The following ATL1 variants were observed in gnomAD, a reference collection of about 807,000 sequenced individuals.
ATL1 encodes the protein atlastin GTPase 1.
Under a neutral mutation model 75.5 loss-of-function variants are expected in ATL1, and 31 were observed. The ratio of observed to expected loss-of-function variants is 0.41; its 90% CI spans 0.31 to 0.55. ATL1 has a LOEUF of 0.55. Among genes scored for constraint, ATL1 ranks in the 20% least tolerant of loss-of-function variants. The pLI, the probability that ATL1 is intolerant of heterozygous loss-of-function variation, is 0.27. For synonymous variants in ATL1, 226 were observed against 233.3 expected (o/e 0.97, Z 0.28); for missense variants, 405 against 662.6 (o/e 0.61, Z 4.27).
intron 1 of ATL1, 98 bp downstream of exon 1, chr14:50,560,397 G>T: frequency 6.7e-7 from 1 of 1,481,766 alleles, no homozygotes; most frequent in South Asian, 1.2e-5. Flanking sequence ...GCTGCTAGGT[G>T]CCTGCGTCCA....
chr14:50,628,649 C>A (rs1017508621), intron 12 of ATL1, 187 bp downstream of exon 12: 2 of 722,038 alleles, frequency 2.8e-6, no homozygotes, highest in African/African-American at 3.5e-5. Context: ...AAGTCCTACA[C>A]AACTATTTTC....
Position 50,614,489 on chromosome 14 carries a change from A to C in ATL1, c.840A>C (p.Pro280=). The change falls in exon 8 of 14, where the codon CCA becomes CCC. Residue 280 remains proline (P), a synonymous_variant. Coordinates refer to ENST00000358385, the MANE Select transcript of ATL1 (RefSeq NM_015915.5). The part of the protein sequence containing the change: ...PHPGLKVATN[P]NFDGKLKEID... ...CTGGCTTAAAAGTAGCTACCAATCC[A>C]AACTTTGATGGAAAATTGAAAGGTT... 6.2e-7 allele frequency: 1 copy of C among 1,613,984 alleles called. No homozygotes were observed. The highest frequency in any genetic ancestry group is 1.1e-5 in the South Asian group (1 of 91,080).
chr14:50,560,047 CTG>C, upstream of ATL1: 1 of 603,118 alleles, frequency 1.7e-6, no homozygotes, highest in Admixed American at 2.6e-5. Flanking sequence ...ACGCTGGTAT[CTG>C]TGTGAACTCG....
intron 1 of ATL1, among the ~76,000 whole-genome samples, chr14:50,574,945 A>G (rs1264243013): frequency 1.6e-3 from 193 of 119,508 alleles, no homozygotes; most frequent in Non-Finnish European, 2.5e-3. Context: ...GTGTATATAT[A>G]TATATATATA....
intron 11 of ATL1, 95 bp from the exon 12 acceptor site, chr14:50,627,936 A>T: frequency 8.5e-7 from 1 of 1,177,440 alleles, no homozygotes; most frequent in Non-Finnish European, 1.2e-6. Flanking sequence ...TTATTAACGT[A>T]TTCTAACAAA....
chr14:50,627,231 A>T (rs2039530155), intron 11 of ATL1, among the ~76,000 whole-genome samples: 2 of 152,218 alleles, frequency 1.3e-5, no homozygotes, highest in South Asian at 4.1e-4. Flanking sequence ...GATCCTTAGC[A>T]TTTTTTGCAA....
chr14:50,594,546 A>G (rs945499391), intron 5 of ATL1, among the ~76,000 whole-genome samples: 1 of 152,208 alleles, frequency 6.6e-6, no homozygotes, highest in African/African-American at 2.4e-5. Flanking sequence ...ACTACAGAGC[A>G]ATCACTGCTC....
chr14:50,628,648 A>G, intron 12 of ATL1, 186 bp downstream of exon 12: 2 of 724,454 alleles, frequency 2.8e-6, no homozygotes, highest in East Asian at 2.7e-5. Flanking sequence ...GAAGTCCTAC[A>G]CAACTATTTT....
chr14:50,551,916 G>A (rs1226079861), intron 1 of ATL1, among the ~76,000 whole-genome samples: 1 of 151,916 alleles, frequency 6.6e-6, no homozygotes, highest in Non-Finnish European at 1.5e-5. Flanking sequence ...TACCAAACAA[G>A]GAAAATTTGA....
intron 10 of ATL1, among the ~76,000 whole-genome samples, chr14:50,622,620 C>T (rs927857140): frequency 5.3e-5 from 8 of 151,814 alleles, no homozygotes; most frequent in African/African-American, 9.7e-5. Flanking sequence ...GAGCCGAGAT[C>T]GCGCCACTGC....
At chr14:50,623,501 C>T (rs913921867) in intron 11 of ATL1, among the ~76,000 whole-genome samples, 9 of 151,570 alleles carry the variant, frequency 5.9e-5, no homozygotes, top group South Asian at 4.1e-4. Flanking sequence ...TTGGGGGGAG[C>T]GCCAGGTCTT....
chr14:50,578,341 T>C (rs991882108), intron 1 of ATL1, among the ~76,000 whole-genome samples: 11 of 152,178 alleles, frequency 7.2e-5, no homozygotes, highest in Non-Finnish European at 1.3e-4. Context: ...CTTGAACATA[T>C]AAATGTAAAG....
At chr14:50,603,438 C>A (rs542204644) in intron 6 of ATL1, among the ~76,000 whole-genome samples, 1 of 152,256 alleles carries the variant, frequency 6.6e-6, no homozygotes, top group South Asian at 2.1e-4. Flanking sequence ...GCACATCAGT[C>A]TGTGCCAGTT....
intron 6 of ATL1, among the ~76,000 whole-genome samples, chr14:50,605,902 G>A (rs2039313623): frequency 6.6e-6 from 1 of 152,034 alleles, no homozygotes; most frequent in Admixed American, 6.6e-5. Flanking sequence ...CTCAAGACCA[G>A]GGTTTAAATT....
At chr14:50,599,235 G>GT (rs1468743061) in intron 6 of ATL1, among the ~76,000 whole-genome samples, 1 of 152,102 alleles carries the variant, frequency 6.6e-6, no homozygotes, top group East Asian at 1.9e-4. Flanking sequence ...CCAAAACCTG[G>GT]TTCCCAATCA....
At chr14:50,589,155 CTTTT>C (rs34191629) in intron 2 of ATL1, among the ~76,000 whole-genome samples, 15 of 109,424 alleles carry the variant, frequency 1.4e-4, no homozygotes, top group Admixed American at 1.1e-3. Context: ...TTCTTTCTTT[CTTTT>C]TTTTTTTTTT....
At chr14:50,560,673 A>C (rs188235046) in intron 1 of ATL1, among the ~76,000 whole-genome samples, 51 of 152,190 alleles carry the variant, frequency 3.4e-4, no homozygotes, top group African/African-American at 1.2e-3. Context: ...GGCTGTTGTT[A>C]CTCGGCCCCA....
At chr14:50,535,093 T>C (rs897291175) in intron 1 of ATL1, among the ~76,000 whole-genome samples, 5 of 152,234 alleles carry the variant, frequency 3.3e-5, no homozygotes, top group Admixed American at 2.0e-4. Context: ...ATTCTTAGTA[T>C]CTTCATGCTG....
At chr14:50,534,507 A>G (rs946519237) in intron 1 of ATL1, among the ~76,000 whole-genome samples, 6 of 152,256 alleles carry the variant, frequency 3.9e-5, no homozygotes, top group Admixed American at 2.6e-4. Flanking sequence ...TCCTTTAAGC[A>G]TGTTATTCTT....
Sources: allele counts gnomAD v4.1 joint callset (sites outside exome capture counted in the v4.1 genomes callset), GRCh38; gene constraint gnomAD v4.1.1; transcripts MANE v1.5; gene names NCBI Gene and HGNC (gene_info 2026-07-23, HGNC 2026-07-21).